The following ATP8A2 variants were observed in gnomAD, a reference collection of about 807,000 sequenced individuals.
ATP8A2 encodes the protein ATPase phospholipid transporting 8A2.
ATP8A2 carries 100 observed loss-of-function variants against 165.6 expected under a neutral mutation model. The ratio of observed to expected loss-of-function variants is 0.60; its 90% CI spans 0.51 to 0.71. The LOEUF is 0.71. ATP8A2 is among the 30% of genes least tolerant of loss of function. The pLI, the probability that ATP8A2 is intolerant of heterozygous loss-of-function variation, is 0.00. For missense variants in ATP8A2, 1,227 were observed against 1,479.5 expected, an observed-to-expected ratio of 0.83 and a Z score of 2.80; for synonymous variants, 543 against 548.8, an observed-to-expected ratio of 0.99 and a Z score of 0.15.
chr13:25,483,531 G>C (rs1047433474), intron 2 of ATP8A2, among the ~76,000 whole-genome samples: 1 of 152,184 alleles, frequency 6.6e-6, no homozygotes, highest in Non-Finnish European at 1.5e-5. Flanking sequence ...CCTACCTCTA[G>C]ATCTGTTTGG....
chr13:25,609,534 G>GTGATTCAAATATATATATATATATTT (rs1421989174), intron 24 of ATP8A2, among the ~76,000 whole-genome samples: 2 of 42,208 alleles, frequency 4.7e-5, no homozygotes, highest in Non-Finnish European at 1.4e-4. Flanking sequence ...ATATATATTT[G>GTGATTCAAATATATATATATATATTT]GGATTCAAAT....
At chr13:25,580,085 C>A in intron 22 of ATP8A2, 138 bp downstream of exon 22, 1 of 1,036,076 alleles carries the variant, frequency 9.7e-7, no homozygotes, top group Non-Finnish European at 1.3e-6. Flanking sequence ...AGCTCTGAAT[C>A]ATTTTCTTTG....
intron 24 of ATP8A2, among the ~76,000 whole-genome samples, chr13:25,614,642 G>C (rs1565981383): frequency 6.6e-6 from 1 of 152,180 alleles, no homozygotes; most frequent in Non-Finnish European, 1.5e-5. Flanking sequence ...ATGTGAGAGG[G>C]AAGATCTGGG....
intron 24 of ATP8A2, among the ~76,000 whole-genome samples, chr13:25,630,924 C>T (rs1242307108): frequency 3.3e-5 from 5 of 152,008 alleles, no homozygotes; most frequent in Non-Finnish European, 2.9e-5. Flanking sequence ...GGAGTATTTT[C>T]TGGGGATTAA....
chr13:25,594,959 TAAAG>T (rs1046788621), intron 24 of ATP8A2, among the ~76,000 whole-genome samples: 3 of 146,124 alleles, frequency 2.1e-5, no homozygotes, highest in African/African-American at 7.7e-5. Context: ...AACGAGTAGA[TAAAG>T]AAACTGTGGT....
chr13:25,686,653 A>G (rs914113441), intron 24 of ATP8A2, among the ~76,000 whole-genome samples: 3 of 152,124 alleles, frequency 2.0e-5, no homozygotes, highest in Non-Finnish European at 4.4e-5. Flanking sequence ...ATTTCTTTTA[A>G]TGTGATGAAC....
At chr13:25,630,567 G>A (rs963733356) in intron 24 of ATP8A2, among the ~76,000 whole-genome samples, 1 of 152,148 alleles carries the variant, frequency 6.6e-6, no homozygotes, top group Non-Finnish European at 1.5e-5. Flanking sequence ...CGGAACTGTG[G>A]TTTGCTAAAC....
chr13:26,014,763 A>G (rs1349610763), intron 36 of ATP8A2, among the ~76,000 whole-genome samples: 1 of 152,210 alleles, frequency 6.6e-6, no homozygotes, highest in Non-Finnish European at 1.5e-5. Flanking sequence ...AATGTTGGGT[A>G]TTATTATTCT....
At chr13:25,588,317 A>G (rs963783390) in intron 23 of ATP8A2, among the ~76,000 whole-genome samples, 3 of 152,048 alleles carry the variant, frequency 2.0e-5, no homozygotes, top group Non-Finnish European at 4.4e-5. Flanking sequence ...AACCCACAAC[A>G]TGGTTTTTCT....
chr13:25,689,780 C>A (rs2042683239), intron 24 of ATP8A2, among the ~76,000 whole-genome samples: 1 of 152,074 alleles, frequency 6.6e-6, no homozygotes, highest in South Asian at 2.1e-4. Context: ...TTATGGAGGT[C>A]ATTTTATACA....
In ATP8A2 at chr13:26,007,534, T is replaced by C. The variant is rs148884988; in HGVS notation, c.3378-4997T>C. Among the ~76,000 whole-genome samples, 565 of 152,368 alleles carry C rather than the reference T, an allele frequency of 3.7e-3. 6 individuals carry two copies. Among genetic ancestry groups the C allele is most frequent in the African/African-American group, 0.013 (538 of 41,582 alleles). On this transcript the variant is annotated intron_variant, in intron 35 of 36. Coordinates refer to ENST00000381655, the MANE Select transcript of ATP8A2 (RefSeq NM_016529.6). ...CTGTAGACATGGTGTTTTCCAGTAG[T>C]TGGTTCAGTGAAATAACAGATTATT...
chr13:25,391,432 C>T (rs1226351914), intron 1 of ATP8A2, among the ~76,000 whole-genome samples: 2 of 152,198 alleles, frequency 1.3e-5, no homozygotes, highest in East Asian at 1.9e-4. Context: ...AGGTCACCAA[C>T]GTGCCAGGCA....
At chr13:25,547,668 C>T (rs553549819) in intron 10 of ATP8A2, among the ~76,000 whole-genome samples, 144 of 152,264 alleles carry the variant, frequency 9.5e-4, no homozygotes, top group Middle Eastern at 6.8e-3. Flanking sequence ...CCAAAACCAT[C>T]CCCACCCAAG....
intron 1 of ATP8A2, among the ~76,000 whole-genome samples, chr13:25,396,790 A>G (rs973544433): frequency 2.0e-5 from 3 of 152,164 alleles, no homozygotes; most frequent in Non-Finnish European, 4.4e-5. Flanking sequence ...GGCTTTTCAG[A>G]CACATCTATT....
intron 1 of ATP8A2, among the ~76,000 whole-genome samples, chr13:25,397,553 C>A (rs999015863): frequency 6.6e-6 from 1 of 152,058 alleles, no homozygotes; most frequent in African/African-American, 2.4e-5. Flanking sequence ...TTTCTGGGGA[C>A]CCATTTTTCT....
At chr13:25,973,224 G>C (rs1367985719) in intron 35 of ATP8A2, among the ~76,000 whole-genome samples, 1 of 152,170 alleles carries the variant, frequency 6.6e-6, no homozygotes, top group African/African-American at 2.4e-5. Flanking sequence ...TGTGTGGCTG[G>C]TCTTAAACCT....
intron 35 of ATP8A2, among the ~76,000 whole-genome samples, chr13:25,984,223 C>A (rs556374002): frequency 9.4e-5 from 14 of 148,712 alleles, no homozygotes; most frequent in African/African-American, 3.2e-4. Flanking sequence ...GGTGACAGAG[C>A]AAGAAACCGT....
intron 2 of ATP8A2, among the ~76,000 whole-genome samples, chr13:25,485,963 G>C (rs148233588): frequency 1.3e-5 from 2 of 152,244 alleles, no homozygotes; most frequent in African/African-American, 4.8e-5. Flanking sequence ...AATGAGGGTT[G>C]GAAAAGCTTT....
intron 33 of ATP8A2, among the ~76,000 whole-genome samples, chr13:25,952,384 C>CTT (rs11423629): frequency 0.018 from 2,639 of 147,294 alleles, 88 homozygotes; most frequent in African/African-American, 0.062. Context: ...TCTTTTTCTT[C>CTT]TTTTTTTTTT....
Sources: gnomAD v4.1 joint callset for allele counts (sites outside exome capture counted in the v4.1 genomes callset) on GRCh38, gnomAD v4.1.1 for gene constraint, MANE v1.5 for transcripts, NCBI Gene and HGNC (gene_info 2026-07-23, HGNC 2026-07-21) for gene names.